Variants in NUPR1 observed in about 807,000 individuals in gnomAD.
The protein encoded by NUPR1 is nuclear protein 1.
NUPR1 carries 8 observed loss-of-function variants against 7.3 expected under a neutral mutation model. That is an observed-to-expected ratio of 1.09 (90% CI 0.64 to 1.97). The LOEUF (loss-of-function observed/expected upper bound fraction) is 1.97. NUPR1 is among the 30% of genes most tolerant of loss of function. The pLI is 0.00. For synonymous variants in NUPR1, 39 were observed against 44.5 expected (o/e 0.88, Z 0.49); for missense variants, 96 against 111.7 (o/e 0.86, Z 0.63).
rs889328751 is a variant in NUPR1, at chr16:28,534,708, C to T, written c.*2975G>A. On this transcript the variant is annotated 3_prime_UTR_variant, in exon 3 of 3. Transcript: ENST00000324873. ...TTGGGTGTGGCCATGTAGCCACATT[C>T]GGAGCAGATGTGATGTGTTCTACTT... The T allele has an allele frequency of 6.6e-6, 1 of 152,164 alleles. No individual in the cohort carries two copies. Among genetic ancestry groups the T allele is most frequent in the African/African-American group, 2.4e-5 (1 of 41,430 alleles). 9.4% of individuals were successfully genotyped at this position (152,164 alleles called of 1,614,324 possible).
At chr16:28,537,924 C>T in intron 2 of NUPR1, 82 bp downstream of exon 2, 2 of 1,156,824 alleles carry the variant, frequency 1.7e-6, no homozygotes, top group Non-Finnish European at 2.5e-6. Flanking sequence ...GATCCCTCCT[C>T]CCCACCCAAT....
chr16:28,538,730 C>T, intron 1 of NUPR1, 66 bp downstream of exon 1: 1 of 1,206,978 alleles, frequency 8.3e-7, no homozygotes, highest in Non-Finnish European at 1.2e-6. Context: ...TGAGAGGAAA[C>T]AAGAGGGGTG....
At chr16:28,537,768 A>C in intron 2 of NUPR1, 99 bp from the exon 3 acceptor site, 1 of 475,532 alleles carries the variant, frequency 2.1e-6, no homozygotes, top group Non-Finnish European at 3.8e-6. Context: ...GGAAGGACCC[A>C]CCCTCTCTAT....
In NUPR1 at chr16:28,538,769, C is replaced by T. The variant is rs759981087; in HGVS notation, c.112+27G>A. The T allele has an allele frequency of 9.7e-6, 15 of 1,547,632 alleles. No homozygotes were observed. The African/African-American group carries it at 1.4e-4, about 14-fold the overall frequency. On this transcript the variant is annotated intron_variant, in intron 1 of 2. Transcript: ENST00000324873. ...CCTGATTTCGGGAGAGGAGGAAGGA[C>T]CGTGGAGATGGCTGAGTGGGCCTTA...
rs2046632214 is a variant in NUPR1 at position 28,537,524 on chromosome 16, C to T, written c.*159G>A. On this transcript the variant is annotated 3_prime_UTR_variant, in exon 3 of 3. Transcript: ENST00000324873. ...CTTTTGCTAGGGTTGGAGGCGCTTT[C>T]CTGGTAGCCCCTCAGAGACTCAGTC... The T allele has an allele frequency of 6.6e-6, 1 of 152,626 alleles. No individual in the cohort carries two copies. The highest frequency in any genetic ancestry group is 1.5e-5 in the Non-Finnish European group (1 of 68,304). The allele number at this position is 152,626 out of a possible 1,614,324, so 9.5% of individuals were successfully genotyped here.
rs71140975 is a variant in NUPR1, at chr16:28,535,571, C to CCTTCTTTCTTTCTTTCCTTTCTTT, written c.*2111_*2112insAAAGAAAGGAAAGAAAGAAAGAAG. 1 of 71,886 alleles carries CCTTCTTTCTTTCTTTCCTTTCTTT rather than the reference C, an allele frequency of 1.4e-5. No homozygotes were observed. Among genetic ancestry groups the CCTTCTTTCTTTCTTTCCTTTCTTT allele is most frequent in the Non-Finnish European group, 2.6e-5 (1 of 38,512 alleles). 4.5% of individuals were successfully genotyped at this position (71,886 alleles called of 1,614,324 possible). A position where few individuals can be genotyped will look rare whatever the true frequency, so the allele number is the denominator to read the frequency against. ...TCTTTCTTTCTTTCTTTCCTTCCTT[C>CCTTCTTTCTTTCTTTCCTTTCTTT]CTTTCTTTCTTTCTTTCTTTCTTTC... On this transcript the variant is annotated 3_prime_UTR_variant, in exon 3 of 3. Coordinates refer to ENST00000324873, the MANE Select transcript of NUPR1 (RefSeq NM_012385.3).
chr16:28,538,225 C>A lies in NUPR1; in HGVS notation c.113-70G>T. The A allele has an allele frequency of 4.4e-6, 7 of 1,608,844 alleles. No homozygotes were observed. In the South Asian group the frequency reaches 7.7e-5, roughly 18 times the overall value. ...ATGAGAGGCCCTGTCAGAGGAGAGG[C>A]AGGGGTTCAGGGTTGTGGGGATGGG... On this transcript the variant is annotated intron_variant, in intron 1 of 2. Coordinates refer to ENST00000324873, the MANE Select transcript of NUPR1 (RefSeq NM_012385.3).
chr16:28,535,579 T>TCTTTCCTTCCTTCCTTC lies in NUPR1; in HGVS notation c.*2103_*2104insGAAGGAAGGAAGGAAAG, dbSNP rs1567277520. 1.3e-4 allele frequency: 5 copies of TCTTTCCTTCCTTCCTTC among 39,214 alleles called. No individual in the cohort carries two copies. Among genetic ancestry groups the TCTTTCCTTCCTTCCTTC allele is most frequent in the African/African-American group, 4.0e-4 (3 of 7,518 alleles). The allele number at this position is 39,214 out of a possible 1,614,324, so 2.4% of individuals were successfully genotyped here. A position where few individuals can be genotyped will look rare whatever the true frequency, so the allele number is the denominator to read the frequency against. Reference sequence around the variant, plus strand: ...TCTTTCTTTCCTTCCTTCCTTTCTTTCTTTCTTTCTTTCTTTCTTTCTTTC... The same window carrying TCTTTCCTTCCTTCCTTC: ...TCTTTCTTTCCTTCCTTCCTTTCTTTCTTTCCTTCCTTCCTTCCTTTCTTTCTTTCTTTCTTTCTTTC... On this transcript the variant is annotated 3_prime_UTR_variant, in exon 3 of 3. Coordinates refer to ENST00000324873, the MANE Select transcript of NUPR1 (RefSeq NM_012385.3).
Position 28,535,673 on chromosome 16 carries a change from T to TCTTCCTTCCTTTCTTTTCCTTC in NUPR1, c.*1988_*2009dup. 3 of 150,032 alleles carry TCTTCCTTCCTTTCTTTTCCTTC rather than the reference T, an allele frequency of 2.0e-5. No homozygotes were observed. Among genetic ancestry groups the TCTTCCTTCCTTTCTTTTCCTTC allele is most frequent in the Non-Finnish European group, 4.4e-5 (3 of 67,724 alleles). 9.3% of individuals were successfully genotyped at this position (150,032 alleles called of 1,614,324 possible). ...CTCTCCTTTCTCTCTTTCTTTTCTT[T>TCTTCCTTCCTTTCTTTTCCTTC]CTTCCTTCCTTTCTTTTCCTTCCTT... On this transcript the variant is annotated 3_prime_UTR_variant, in exon 3 of 3. Coordinates refer to ENST00000324873, the MANE Select transcript of NUPR1 (RefSeq NM_012385.3).
intron 1 of NUPR1, chr16:28,538,566 A>T (rs2046642170): frequency 1.5e-6 from 1 of 650,818 alleles, no homozygotes; most frequent in South Asian, 1.6e-5. Flanking sequence ...GCCACTCAGG[A>T]GGCTGAAGCA....
rs1567277534 is a variant in NUPR1 at position 28,535,581 on chromosome 16, T to TTTCCTTCC, written c.*2101_*2102insGGAAGGAA. The TTTCCTTCC allele has an allele frequency of 3.0e-5, 1 of 33,398 alleles. No homozygotes were observed. Among genetic ancestry groups the TTTCCTTCC allele is most frequent in the African/African-American group, 2.0e-4 (1 of 4,986 alleles). 2.1% of individuals were successfully genotyped at this position (33,398 alleles called of 1,614,324 possible). A position where few individuals can be genotyped will look rare whatever the true frequency, so the allele number is the denominator to read the frequency against. Reference sequence around the variant, plus strand: ...TTTCTTTCCTTCCTTCCTTTCTTTCTTTCTTTCTTTCTTTCTTTCTTTCTT... The same window carrying TTTCCTTCC: ...TTTCTTTCCTTCCTTCCTTTCTTTCTTTCCTTCCTTCTTTCTTTCTTTCTTTCTTTCTT... On this transcript the variant is annotated 3_prime_UTR_variant, in exon 3 of 3. Transcript: ENST00000324873.
rs2046643997 is a variant in NUPR1, at chr16:28,538,807, T to C, written c.101A>G (p.His34Arg). The C allele has an allele frequency of 1.9e-6, 3 of 1,607,138 alleles. No homozygotes were observed. In the African/African-American group the frequency reaches 4.0e-5, roughly 22 times the overall value. The change falls in exon 1 of 3, where the codon CAT becomes CGT. Residue 34 changes from histidine to arginine, a missense_variant. Coordinates refer to ENST00000324873, the MANE Select transcript of NUPR1 (RefSeq NM_012385.3). ...LDESDLYSLA[H>R]SYLGGGGRKG... ...TGAGTGGGCCTTACCGAGGTAGGAA[T>C]GGGCCAGGCTATAGAGGTCAGATTC...
intron 1 of NUPR1, chr16:28,538,554 C>T: frequency 1.6e-6 from 1 of 637,318 alleles, no homozygotes. Flanking sequence ...CCTGAAGTTC[C>T]AGCCACTCAG....
At position 28,535,902 on chromosome 16, in the gene NUPR1, G is replaced by T. The variant is rs551245897; in HGVS notation, c.*1781C>A. 6.6e-6 allele frequency: 1 copy of T among 152,016 alleles called. No homozygotes were observed. The highest frequency in any genetic ancestry group is 2.0e-4 in the East Asian group (1 of 5,070). 9.4% of individuals were successfully genotyped at this position (152,016 alleles called of 1,614,324 possible). ...AATTTTTAAATTTTTGTAGAGACAG[G>T]GCCTTGGTATGTTGCCTAGGCTGGT... On this transcript the variant is annotated 3_prime_UTR_variant, in exon 3 of 3. Coordinates refer to ENST00000324873, the MANE Select transcript of NUPR1 (RefSeq NM_012385.3).
chr16:28,538,963 T>C lies in NUPR1; in HGVS notation c.-56A>G, dbSNP rs1295163561. 4 of 1,469,342 alleles carry C rather than the reference T, an allele frequency of 2.7e-6. No homozygotes were observed. Among genetic ancestry groups the C allele is most frequent in the Admixed American group, 3.8e-5 (2 of 52,348 alleles). The allele number at this position is 1,469,342 out of a possible 1,614,324, so 91.0% of individuals were successfully genotyped here. ...CTTCTCCTAACGCTTTGTCTGTCTC[T>C]GCTTTCCTGGCCCCGGGCCTCTCCA... On this transcript the variant is annotated 5_prime_UTR_variant, in exon 1 of 3. Transcript: ENST00000324873.
rs1158954840 is a variant in NUPR1, at chr16:28,537,586, G to T, written c.*97C>A. On this transcript the variant is annotated 3_prime_UTR_variant, in exon 3 of 3. Coordinates refer to ENST00000324873, the MANE Select transcript of NUPR1 (RefSeq NM_012385.3). ...GTCCTAGGGGTGGGGGGTGTGGCAAGCCGGCCTGGATCCTGTCCTGGGTCC... is the reference window on the plus strand; with the variant it reads ...GTCCTAGGGGTGGGGGGTGTGGCAATCCGGCCTGGATCCTGTCCTGGGTCC... 1.3e-5 allele frequency: 2 copies of T among 156,776 alleles called. No homozygotes were observed. Among genetic ancestry groups the T allele is most frequent in the African/African-American group, 4.8e-5 (2 of 41,540 alleles). 9.7% of individuals were successfully genotyped at this position (156,776 alleles called of 1,614,324 possible).
At position 28,535,151 on chromosome 16, in the gene NUPR1, C is replaced by A. The variant is rs2046602030; in HGVS notation, c.*2532G>T. ...CTTCCCAGAACCCTGTCCCACAGCC[C>A]CCTTGGCCTGGGGACCCACCTCATA... On this transcript the variant is annotated 3_prime_UTR_variant, in exon 3 of 3. Transcript: ENST00000324873. 1 of 152,192 alleles carries A rather than the reference C, an allele frequency of 6.6e-6. No individual in the cohort carries two copies. Among genetic ancestry groups the A allele is most frequent in the Non-Finnish European group, 1.5e-5 (1 of 68,066 alleles). The allele number at this position is 152,192 out of a possible 1,614,324, so 9.4% of individuals were successfully genotyped here.
chr16:28,535,513 TTCTTTC>T lies in NUPR1; in HGVS notation c.*2164_*2169del, dbSNP rs1306910431. The T allele has an allele frequency of 1.5e-5, 1 of 65,766 alleles. No homozygotes were observed. The highest frequency in any genetic ancestry group is 3.1e-5 in the Non-Finnish European group (1 of 31,942). The allele number at this position is 65,766 out of a possible 1,614,324, so 4.1% of individuals were successfully genotyped here. On this transcript the variant is annotated 3_prime_UTR_variant, in exon 3 of 3. Coordinates refer to ENST00000324873, the MANE Select transcript of NUPR1 (RefSeq NM_012385.3). ...TGCCGGGGCTCGCTCTTTTCTTTCT[TTCTTTC>T]TTTCTTTCTTTCTTTCTTTCTTTCC...
Position 28,535,573 on chromosome 16 carries a change from T to C in NUPR1, c.*2110A>G, listed in dbSNP as rs1213779000. On this transcript the variant is annotated 3_prime_UTR_variant, in exon 3 of 3. Coordinates refer to ENST00000324873, the MANE Select transcript of NUPR1 (RefSeq NM_012385.3). ...TTTCTTTCTTTCTTTCCTTCCTTCC[T>C]TTCTTTCTTTCTTTCTTTCTTTCTT... 2.0e-3 allele frequency: 28 copies of C among 14,028 alleles called. No individual in the cohort carries two copies. The highest frequency in any genetic ancestry group is 7.5e-3 in the African/African-American group (25 of 3,324). 0.9% of individuals were successfully genotyped at this position (14,028 alleles called of 1,614,324 possible).
Sources: gnomAD v4.1 joint callset for allele counts on GRCh38, gnomAD v4.1.1 for gene constraint, MANE v1.5 for transcripts, NCBI Gene and HGNC (gene_info 2026-07-23, HGNC 2026-07-21) for gene names.